Variants in FKBP6 observed in about 807,000 individuals in gnomAD.
The protein encoded by FKBP6 is FKBP prolyl isomerase family member 6 (inactive).
FKBP6 carries 29 observed loss-of-function variants against 41.7 expected under a neutral mutation model. That is an observed-to-expected ratio of 0.70 (90% CI 0.52 to 0.95). The LOEUF (loss-of-function observed/expected upper bound fraction) is 0.95. FKBP6 is among the 40% of genes least tolerant of loss of function. The probability of loss-of-function intolerance (pLI) is 0.00; values close to 1 mark genes in which losing one functional copy is unlikely to be tolerated. For missense variants in FKBP6, 338 were observed against 408.7 expected (o/e 0.83, Z 1.49); for synonymous variants, 130 against 165.1 (o/e 0.79, Z 1.63).
chr7:73,335,027 A>G (rs1349530213), intron 5 of FKBP6, among the ~76,000 whole-genome samples: 1 of 151,114 alleles, frequency 6.6e-6, no homozygotes, highest in Admixed American at 6.6e-5. Context: ...TCCTTGTCAT[A>G]TGATGCTTCT....
In FKBP6 at chr7:73,348,517, A is replaced by G. The variant is rs370895705; in HGVS notation, c.*2+5618A>G. Reference sequence around the variant, plus strand: ...GAACATTTCACTTCTGACACCAGACATGTAGGGATTTTCCCCACACCAACC... The same window carrying G: ...GAACATTTCACTTCTGACACCAGACGTGTAGGGATTTTCCCCACACCAACC... On this transcript the variant is annotated intron_variant, in intron 8 of 8. Coordinates refer to ENST00000252037, the MANE Select transcript of FKBP6 (RefSeq NM_003602.5). 5.3e-5 allele frequency among the ~76,000 whole-genome samples: 8 copies of G among 152,190 alleles called. No individual in the cohort carries two copies. In the East Asian group the frequency reaches 7.7e-4, roughly 15 times the overall value.
At chr7:73,340,939 T>C in intron 6 of FKBP6, 107 bp downstream of exon 6, 2 of 847,958 alleles carry the variant, frequency 2.4e-6, no homozygotes, top group Non-Finnish European at 3.7e-6. Context: ...TTTTTTTTTT[T>C]TTAGACAGAG....
At chr7:73,336,664 C>T (rs1367994193) in intron 5 of FKBP6, 5 of 445,080 alleles carry the variant, frequency 1.1e-5, no homozygotes, top group East Asian at 7.1e-5. Flanking sequence ...CCACCTCCCC[C>T]GAGAGCTGGC....
At chr7:73,345,083 G>A (rs1554550102) in intron 8 of FKBP6, among the ~76,000 whole-genome samples, 1 of 152,110 alleles carries the variant, frequency 6.6e-6, no homozygotes, top group East Asian at 1.9e-4. Flanking sequence ...TGGTGCTCAG[G>A]AAATGTTGGT....
At chr7:73,332,201 G>T (rs1357770911) in intron 5 of FKBP6, among the ~76,000 whole-genome samples, 2 of 151,978 alleles carry the variant, frequency 1.3e-5, no homozygotes, top group Non-Finnish European at 2.9e-5. Context: ...TACTTTCTAT[G>T]AGCAGCCATT....
chr7:73,342,371 T>C (rs1411069157), intron 7 of FKBP6, among the ~76,000 whole-genome samples: 1 of 152,220 alleles, frequency 6.6e-6, no homozygotes, highest in Non-Finnish European at 1.5e-5. Flanking sequence ...TTGGCATTAG[T>C]GTCTGAGATG....
intron 2 of FKBP6, 120 bp from the exon 3 acceptor site, chr7:73,329,240 G>A (rs1804749647): frequency 3.8e-6 from 3 of 786,400 alleles, no homozygotes; most frequent in Admixed American, 1.7e-5. Flanking sequence ...TGTACCTCGG[G>A]GTGTCGGGCA....
At chr7:73,344,059 G>A (rs1204218811) in intron 8 of FKBP6, among the ~76,000 whole-genome samples, 5 of 152,210 alleles carry the variant, frequency 3.3e-5, no homozygotes, top group African/African-American at 9.7e-5. Flanking sequence ...CTGGCCTTCA[G>A]GTCTTTCAGT....
chr7:73,338,708 A>G (rs888192518), intron 5 of FKBP6, among the ~76,000 whole-genome samples: 2 of 152,180 alleles, frequency 1.3e-5, no homozygotes, highest in Non-Finnish European at 2.9e-5. Context: ...TTTGATTTGC[A>G]TTTCCCTGAT....
At chr7:73,331,578 G>A in intron 4 of FKBP6, 79 bp from the exon 5 acceptor site, 1 of 1,487,540 alleles carries the variant, frequency 6.7e-7, no homozygotes, top group Non-Finnish European at 9.4e-7. Flanking sequence ...GAACTCCTGG[G>A]CTCACGTGTA....
chr7:73,352,875 C>T (rs1805528922), intron 8 of FKBP6, among the ~76,000 whole-genome samples: 1 of 152,104 alleles, frequency 6.6e-6, no homozygotes, highest in South Asian at 2.1e-4. Context: ...GACAGAGGGG[C>T]ATCTCCAGGA....
chr7:73,353,265 C>T (rs1554551382), intron 8 of FKBP6, among the ~76,000 whole-genome samples: 1 of 152,176 alleles, frequency 6.6e-6, no homozygotes, highest in African/African-American at 2.4e-5. Context: ...CTTCATTTAA[C>T]CACAGAATCC....
At chr7:73,339,532 T>C (rs1318925369) in intron 5 of FKBP6, among the ~76,000 whole-genome samples, 1 of 152,136 alleles carries the variant, frequency 6.6e-6, no homozygotes. Flanking sequence ...AGTTTTGAAA[T>C]GGGAAATATG....
intron 6 of FKBP6, 58 bp downstream of exon 6, chr7:73,340,890 T>A: frequency 3.1e-6 from 3 of 961,370 alleles, no homozygotes; most frequent in South Asian, 1.3e-5. Flanking sequence ...GTAGCAGTGC[T>A]CAACTCAGCT....
chr7:73,348,344 T>A (rs1805393568), intron 8 of FKBP6, among the ~76,000 whole-genome samples: 1 of 152,172 alleles, frequency 6.6e-6, no homozygotes, highest in South Asian at 2.1e-4. Flanking sequence ...CGAATAATAC[T>A]AAGATTCCCC....
rs782029346 is a variant in FKBP6 at position 73,328,665 on chromosome 7, C to T, written c.148C>T (p.Leu50=). The part of the protein sequence containing the change: ...KDVIREGAGD[L]VAPDASVLVK... ...CGTCATCCGAGAAGGAGCTGGAGACCTAGTGGCGCCTGATGCTTCGGTGCT... is the reference window on the plus strand; with the variant it reads ...CGTCATCCGAGAAGGAGCTGGAGACTTAGTGGCGCCTGATGCTTCGGTGCT... Residue 50 remains leucine (L), a synonymous_variant, in exon 2 of 9, where the codon CTA becomes TTA. Transcript: ENST00000252037. The T allele has an allele frequency of 2.8e-5, 45 of 1,611,732 alleles. No homozygotes were observed. Among genetic ancestry groups the T allele is most frequent in the Admixed American group, 1.0e-4 (6 of 59,992 alleles).
chr7:73,352,401 A>G (rs1480383580), intron 8 of FKBP6, among the ~76,000 whole-genome samples: 1 of 152,198 alleles, frequency 6.6e-6, no homozygotes, highest in African/African-American at 2.4e-5. Flanking sequence ...CATAATCCCA[A>G]ACACCAACCT....
chr7:73,351,250 G>A (rs1366959193), intron 8 of FKBP6, among the ~76,000 whole-genome samples: 1 of 152,062 alleles, frequency 6.6e-6, no homozygotes, highest in Non-Finnish European at 1.5e-5. Context: ...GGCTGGTCTC[G>A]AACTCCTAAC....
chr7:73,342,983 T>A (rs1805236191), intron 8 of FKBP6, 84 bp downstream of exon 8: 11 of 942,878 alleles, frequency 1.2e-5, no homozygotes, highest in Non-Finnish European at 1.9e-5. Flanking sequence ...ATGGTGGCTG[T>A]CTGCAGCTGA....
Sources: allele counts gnomAD v4.1 joint callset (sites outside exome capture counted in the v4.1 genomes callset), GRCh38; gene constraint gnomAD v4.1.1; transcripts MANE v1.5; gene names NCBI Gene and HGNC (gene_info 2026-07-23, HGNC 2026-07-21).